The following STPG2 variants were observed in gnomAD, a reference collection of about 807,000 sequenced individuals.
STPG2 encodes sperm tail PG-rich repeat containing 2, also known as sperm-tail PG-rich repeat-containing protein 2.
Under a neutral mutation model 54.2 loss-of-function variants are expected in STPG2, and 56 were observed. That is an observed-to-expected ratio of 1.03 (90% CI 0.83 to 1.29). The LOEUF is 1.29. STPG2 is among the 50% of genes most tolerant of loss of function. The pLI is 0.00. For missense variants in STPG2, 596 were observed against 544.9 expected (o/e 1.09, Z -0.93); for synonymous variants, 200 against 181.8 (o/e 1.10, Z -0.81).
intron 5 of STPG2, among the ~76,000 whole-genome samples, chr4:97,985,722 C>T (rs28497822): frequency 0.4 from 60,026 of 151,962 alleles, 12,030 homozygotes; most frequent in Middle Eastern, 0.46. Flanking sequence ...TTTTCCCCAT[C>T]ATCCCCTTAA....
intron 4 of STPG2, among the ~76,000 whole-genome samples, chr4:97,532,313 C>T (rs143211669): frequency 0.011 from 1,633 of 152,130 alleles, 34 homozygotes; most frequent in African/African-American, 0.037. Flanking sequence ...AATGTTCACA[C>T]AACCTATAAA....
At chr4:97,545,932 C>A (rs980652672) in intron 4 of STPG2, among the ~76,000 whole-genome samples, 1 of 151,920 alleles carries the variant, frequency 6.6e-6, no homozygotes, top group East Asian at 1.9e-4. Context: ...TTGTTCACTA[C>A]CTAGAGGCAA....
At chr4:97,595,435 AC>A (rs1733262160) in intron 10 of STPG2, among the ~76,000 whole-genome samples, 1 of 150,670 alleles carries the variant, frequency 6.6e-6, no homozygotes, top group Non-Finnish European at 1.5e-5. Context: ...AACATCACAC[AC>A]CGGGGCCTGT....
intron 5 of STPG2, among the ~76,000 whole-genome samples, chr4:98,040,008 T>C (rs1736898658): frequency 6.6e-6 from 1 of 151,992 alleles, no homozygotes; most frequent in African/African-American, 2.4e-5. Context: ...TTTTTAATAA[T>C]AGCCATTCTG....
intron 10 of STPG2, among the ~76,000 whole-genome samples, chr4:97,686,274 CTT>C (rs1723186314): frequency 6.8e-6 from 1 of 146,872 alleles, no homozygotes; most frequent in Non-Finnish European, 1.5e-5. Flanking sequence ...CTCTCTCTGT[CTT>C]TCATATTGGA....
rs1723478074 is a variant in STPG2, at chr4:97,694,142, GA to G, written c.1320+18556del. ...GAACAAACAAAACCCAAAGCCAGCA[GA>G]AGAAACGAAAAAACAAAATTAGAGC... On this transcript the variant is annotated intron_variant, in intron 10 of 10. Coordinates refer to ENST00000295268, the MANE Select transcript of STPG2 (RefSeq NM_174952.3). 4.6e-5 allele frequency among the ~76,000 whole-genome samples: 7 copies of G among 151,980 alleles called. 1 individual carries two copies. In the South Asian group the frequency reaches 1.2e-3, roughly 27 times the overall value.
intron 4 of STPG2, among the ~76,000 whole-genome samples, chr4:97,460,390 G>C (rs1729633046): frequency 1.3e-5 from 2 of 151,330 alleles, no homozygotes; most frequent in Non-Finnish European, 2.9e-5. Context: ...ATAGTACTTA[G>C]ATCTATTCTT....
At chr4:97,843,966 T>C (rs4502686) in intron 8 of STPG2, among the ~76,000 whole-genome samples, 59,598 of 151,266 alleles carry the variant, frequency 0.39, 11,872 homozygotes, top group Middle Eastern at 0.46. Flanking sequence ...ATTCAGAATT[T>C]CCAACTGAAT....
At chr4:97,873,350 G>A (rs1046623056) in intron 8 of STPG2, among the ~76,000 whole-genome samples, 2 of 150,948 alleles carry the variant, frequency 1.3e-5, no homozygotes, top group African/African-American at 4.9e-5. Flanking sequence ...GCTTAAAATT[G>A]TTAACCTAAA....
chr4:97,677,941 C>T (rs1451727118), intron 10 of STPG2, among the ~76,000 whole-genome samples: 1 of 152,116 alleles, frequency 6.6e-6, no homozygotes, highest in East Asian at 1.9e-4. Flanking sequence ...TTGTAGTTCT[C>T]ATTCAAATTG....
chr4:97,801,267 C>T (rs1203164475), intron 9 of STPG2, among the ~76,000 whole-genome samples: 2 of 152,174 alleles, frequency 1.3e-5, no homozygotes, highest in African/African-American at 4.8e-5. Context: ...CCGTCTTCTG[C>T]GTTGCTCACG....
At chr4:97,736,567 T>A (rs1431837887) in intron 9 of STPG2, among the ~76,000 whole-genome samples, 1 of 152,176 alleles carries the variant, frequency 6.6e-6, no homozygotes, top group East Asian at 1.9e-4. Flanking sequence ...ATCCCGCACC[T>A]GGCTCAGAGG....
intron 4 of STPG2, among the ~76,000 whole-genome samples, chr4:97,509,527 G>C (rs1560637696): frequency 6.6e-6 from 1 of 152,050 alleles, no homozygotes; most frequent in Non-Finnish European, 1.5e-5. Context: ...AGAAAGAAAA[G>C]TGTGATAAAG....
chr4:97,699,867 C>A (rs149498431), intron 10 of STPG2, among the ~76,000 whole-genome samples: 1 of 152,196 alleles, frequency 6.6e-6, no homozygotes, highest in African/African-American at 2.4e-5. Flanking sequence ...AGCACTTCCT[C>A]ATGTAACTTA....
At chr4:97,524,564 C>G (rs971972967) in intron 4 of STPG2, among the ~76,000 whole-genome samples, 12 of 151,840 alleles carry the variant, frequency 7.9e-5, no homozygotes, top group African/African-American at 2.9e-4. Context: ...CATTGAAACC[C>G]AAAGGATCAT....
chr4:97,972,544 C>A, intron 6 of STPG2, 104 bp from the exon 7 acceptor site: 1 of 660,314 alleles, frequency 1.5e-6, no homozygotes, highest in Non-Finnish European at 2.3e-6. Context: ...ATAAAAAACC[C>A]TCACATATTT....
intron 9 of STPG2, among the ~76,000 whole-genome samples, chr4:97,821,776 T>C (rs1378018401): frequency 6.6e-6 from 1 of 152,198 alleles, no homozygotes; most frequent in Non-Finnish European, 1.5e-5. Context: ...GAGCTATACC[T>C]GAGGCCCTAT....
intron 8 of STPG2, among the ~76,000 whole-genome samples, chr4:97,852,806 A>T (rs894471284): frequency 1.3e-5 from 2 of 152,086 alleles, no homozygotes; most frequent in African/African-American, 4.8e-5. Context: ...AGACAGAGAC[A>T]TATAGATCCC....
chr4:97,963,082 C>G (rs1407112494), intron 7 of STPG2, among the ~76,000 whole-genome samples: 2 of 152,068 alleles, frequency 1.3e-5, no homozygotes, highest in African/African-American at 4.8e-5. Context: ...ATGCTTGAAC[C>G]CGGGAGGCAG....
Sources: allele counts gnomAD v4.1 joint callset (sites outside exome capture counted in the v4.1 genomes callset), GRCh38; gene constraint gnomAD v4.1.1; transcripts MANE v1.5; gene names NCBI Gene and HGNC (gene_info 2026-07-23, HGNC 2026-07-21).